ANKS1B: variants seen among roughly 807,000 people sequenced by gnomAD.
ANKS1B encodes ankyrin repeat and sterile alpha motif domain-containing protein 1B.
ANKS1B carries 36 observed loss-of-function variants against 148.3 expected under a neutral mutation model. The observed-to-expected ratio is 0.24, with a 90% confidence interval of 0.19 to 0.32. The LOEUF (loss-of-function observed/expected upper bound fraction) is 0.32. ANKS1B is among the 10% of genes least tolerant of loss of function. ANKS1B has a pLI of 1.00. For synonymous variants in ANKS1B, 542 were observed against 560.8 expected, an observed-to-expected ratio of 0.97 and a Z score of 0.47; for missense variants, 1,157 against 1,542.6, an observed-to-expected ratio of 0.75 and a Z score of 4.19.
chr12:99,837,026 G>C (rs1160660603), intron 1 of ANKS1B, among the ~76,000 whole-genome samples: 39 of 152,096 alleles, frequency 2.6e-4, no homozygotes, highest in Admixed American at 2.6e-3. Flanking sequence ...GACTTACATT[G>C]CTAATCAGCT....
intron 9 of ANKS1B, among the ~76,000 whole-genome samples, chr12:99,505,961 A>T (rs983488656): frequency 6.6e-6 from 1 of 152,072 alleles, no homozygotes; most frequent in African/African-American, 2.4e-5. Context: ...CTGGTAACAC[A>T]GTACATTGTA....
intron 17 of ANKS1B, among the ~76,000 whole-genome samples, chr12:98,888,951 G>C (rs533506295): frequency 6.6e-6 from 1 of 152,210 alleles, no homozygotes; most frequent in East Asian, 1.9e-4. Flanking sequence ...CCTGCTCAAA[G>C]AATGTGCCCA....
chr12:99,798,652 A>G (rs905288741), intron 4 of ANKS1B, among the ~76,000 whole-genome samples: 12 of 152,008 alleles, frequency 7.9e-5, no homozygotes, highest in African/African-American at 2.9e-4. Context: ...CATCGTGTGA[A>G]GAATAAAGGT....
intron 25 of ANKS1B, among the ~76,000 whole-genome samples, chr12:98,755,487 G>A (rs2098215964): frequency 6.6e-6 from 1 of 152,214 alleles, no homozygotes; most frequent in African/African-American, 2.4e-5. Flanking sequence ...TCCAGGTGCA[G>A]AAGAAATGCT....
At chr12:99,454,134 G>A (rs2152831260) in intron 10 of ANKS1B, among the ~76,000 whole-genome samples, 1 of 152,280 alleles carries the variant, frequency 6.6e-6, no homozygotes, top group Non-Finnish European at 1.5e-5. Flanking sequence ...GGATATGTGT[G>A]GAAAAGTGAA....
chr12:99,287,417 G>A (rs1455303313), intron 12 of ANKS1B, among the ~76,000 whole-genome samples: 2 of 152,102 alleles, frequency 1.3e-5, no homozygotes, highest in Non-Finnish European at 2.9e-5. Context: ...TGAATACTTG[G>A]AAAGCCTTCC....
chr12:99,021,478 G>A (rs1375170267), intron 17 of ANKS1B, among the ~76,000 whole-genome samples: 1 of 152,068 alleles, frequency 6.6e-6, no homozygotes, highest in Non-Finnish European at 1.5e-5. Context: ...TTGGGGGCAT[G>A]CTTAGAGGCA....
intron 15 of ANKS1B, among the ~76,000 whole-genome samples, chr12:99,095,630 T>A (rs1267206300): frequency 1.3e-5 from 2 of 152,218 alleles, no homozygotes; most frequent in Non-Finnish European, 2.9e-5. Context: ...CTAGTGTTTA[T>A]CTGTCAGTGA....
chr12:98,935,972 A>G (rs1278290866), intron 17 of ANKS1B, among the ~76,000 whole-genome samples: 1 of 152,238 alleles, frequency 6.6e-6, no homozygotes, highest in African/African-American at 2.4e-5. Context: ...TTTTCCAGCA[A>G]GAAGCAAGAA....
chr12:99,786,070 C>T (rs879918522), intron 4 of ANKS1B, among the ~76,000 whole-genome samples: 1 of 152,110 alleles, frequency 6.6e-6, no homozygotes, highest in Non-Finnish European at 1.5e-5. Context: ...TCTAATTTTG[C>T]TCATTCTCAT....
chr12:99,791,921 A>C lies in ANKS1B; in HGVS notation c.670-9824T>G, dbSNP rs146159453. Among the ~76,000 whole-genome samples the C allele has an allele frequency of 2.1e-3, 321 of 152,058 alleles. 9 individuals carry two copies. In the South Asian group the frequency reaches 0.027, roughly 13 times the overall value. ...ATAAGGATCAGAGCAGACATAAATG[A>C]ATTTGAAATGATTAAAAAAAGACAA... On this transcript the variant is annotated intron_variant, in intron 4 of 26. Transcript: ENST00000683438.
chr12:99,268,860 C>T (rs1174532562), intron 12 of ANKS1B, among the ~76,000 whole-genome samples: 1 of 152,180 alleles, frequency 6.6e-6, no homozygotes, highest in Non-Finnish European at 1.5e-5. Context: ...ATATTCTCCA[C>T]TTCTGTTATC....
intron 10 of ANKS1B, among the ~76,000 whole-genome samples, chr12:99,472,672 T>C (rs2096260838): frequency 6.6e-6 from 1 of 151,974 alleles, no homozygotes; most frequent in Non-Finnish European, 1.5e-5. Context: ...TTTAAAAGCA[T>C]TTGGGGATTT....
chr12:99,522,032 C>T (rs1171684460), intron 9 of ANKS1B, among the ~76,000 whole-genome samples: 1 of 152,056 alleles, frequency 6.6e-6, no homozygotes, highest in African/African-American at 2.4e-5. Flanking sequence ...AGATTGGAGT[C>T]GAAAACCTTT....
chr12:99,795,077 GA>G (rs2066088560), intron 4 of ANKS1B, among the ~76,000 whole-genome samples: 1 of 151,778 alleles, frequency 6.6e-6, no homozygotes, highest in Non-Finnish European at 1.5e-5. Context: ...AATAAAATAA[GA>G]GGATTCAACA....
At chr12:99,979,906 T>C (rs77824205) in intron 1 of ANKS1B, among the ~76,000 whole-genome samples, 3,310 of 152,060 alleles carry the variant, frequency 0.022, 111 homozygotes, top group African/African-American at 0.076. Flanking sequence ...GCTTTGGGGA[T>C]ATAGCACAGT....
chr12:98,819,577 A>G (rs2099167840), intron 19 of ANKS1B, among the ~76,000 whole-genome samples: 1 of 152,212 alleles, frequency 6.6e-6, no homozygotes, highest in Admixed American at 6.5e-5. Context: ...ACCTTTTCCA[A>G]TCATGGGGCT....
intron 1 of ANKS1B, among the ~76,000 whole-genome samples, chr12:99,826,192 A>G (rs1315108582): frequency 6.6e-6 from 1 of 152,240 alleles, no homozygotes; most frequent in East Asian, 1.9e-4. Context: ...TTTATTGTAC[A>G]CCAACTGTAT....
At chr12:99,488,318 C>T (rs1410186405) in intron 10 of ANKS1B, among the ~76,000 whole-genome samples, 1 of 152,082 alleles carries the variant, frequency 6.6e-6, no homozygotes. Flanking sequence ...GTTATCTTCT[C>T]CTTCGCATTT....
Sources: gnomAD v4.1 joint callset for allele counts (sites outside exome capture counted in the v4.1 genomes callset) on GRCh38, gnomAD v4.1.1 for gene constraint, MANE v1.5 for transcripts, NCBI Gene and HGNC (gene_info 2026-07-23, HGNC 2026-07-21) for gene names.